The following PLEKHG5 variants were observed in gnomAD, a reference collection of about 807,000 sequenced individuals.
PLEKHG5 encodes pleckstrin homology and RhoGEF domain containing G5, also known as pleckstrin homology domain-containing family G member 5.
PLEKHG5 carries 52 observed loss-of-function variants against 103.8 expected under a neutral mutation model. The ratio of observed to expected loss-of-function variants is 0.50; its 90% confidence interval spans 0.40 to 0.63. The LOEUF is 0.63. Ranked by LOEUF, PLEKHG5 falls within the 30% of genes least tolerant of loss-of-function variation. The pLI, the probability that PLEKHG5 is intolerant of heterozygous loss-of-function variation, is 0.00. For missense variants in PLEKHG5, 1,205 were observed against 1,347.6 expected, an observed-to-expected ratio of 0.89 and a Z score of 1.66; for synonymous variants, 592 against 575.5, an observed-to-expected ratio of 1.03 and a Z score of -0.41.
At chr1:6,484,892 G>A (rs768233005) in intron 1 of PLEKHG5, among the ~76,000 whole-genome samples, 2 of 152,222 alleles carry the variant, frequency 1.3e-5, no homozygotes, top group Non-Finnish European at 2.9e-5. Flanking sequence ...ACACGCATGT[G>A]AGGATGGGGA....
intron 1 of PLEKHG5, among the ~76,000 whole-genome samples, chr1:6,516,917 CA>C (rs1638641236): frequency 7.1e-6 from 1 of 140,600 alleles, no homozygotes; most frequent in South Asian, 2.2e-4. Context: ...CACACACACA[CA>C]CACACACATG....
Position 6,477,655 on chromosome 1 carries a change from A to T in PLEKHG5, c.-84T>A. 1 of 1,602,592 alleles carries T rather than the reference A, an allele frequency of 6.2e-7. No homozygotes were observed. The highest frequency in any genetic ancestry group is 8.5e-7 in the Non-Finnish European group (1 of 1,179,840). ...AGCTGCTGGCAGTCGGCGTGGTGACATACCTGGGGTGGGGACAGAAGCCTT... is the reference window on the plus strand; with the variant it reads ...AGCTGCTGGCAGTCGGCGTGGTGACTTACCTGGGGTGGGGACAGAAGCCTT... On this transcript the variant is annotated 5_prime_UTR_variant, in exon 2 of 21. It removes an upstream start codon present in the reference 5' UTR. Coordinates refer to ENST00000377728, the MANE Select transcript of PLEKHG5 (RefSeq NM_020631.6).
intron 1 of PLEKHG5, among the ~76,000 whole-genome samples, chr1:6,482,270 T>C (rs1002966): frequency 0.16 from 23,629 of 152,064 alleles, 3,115 homozygotes; most frequent in African/African-American, 0.35. Flanking sequence ...CTGGTCACAT[T>C]CGCAAGGACA....
intron 1 of PLEKHG5, among the ~76,000 whole-genome samples, chr1:6,513,774 T>C (rs1407201203): frequency 1.3e-5 from 2 of 152,246 alleles, no homozygotes; most frequent in Non-Finnish European, 2.9e-5. Context: ...AAACTGTCAC[T>C]ACTGTCACTG....
At chr1:6,488,921 A>G (rs1286846596) in intron 1 of PLEKHG5, among the ~76,000 whole-genome samples, 5 of 152,020 alleles carry the variant, frequency 3.3e-5, no homozygotes, top group Non-Finnish European at 4.4e-5. Context: ...CTCCCTCAGT[A>G]TCACCTCCCC....
At position 6,475,025 on chromosome 1, in the gene PLEKHG5, CCT is replaced by C; in HGVS notation, c.302+20_302+21del. The C allele has an allele frequency of 6.9e-7, 1 of 1,446,156 alleles. No homozygotes were observed. Among genetic ancestry groups the C allele is most frequent in the Non-Finnish European group, 9.7e-7 (1 of 1,026,680 alleles). 89.6% of individuals were successfully genotyped at this position (1,446,156 alleles called of 1,614,324 possible). On this transcript the variant is annotated intron_variant, in intron 5 of 20. Transcript: ENST00000377728. ...CCCCTACTCCCAGTCCCACTTCCACCCTGAGCCCCATCAAGCCCTACCCCAGT... is the reference window on the plus strand; with the variant it reads ...CCCCTACTCCCAGTCCCACTTCCACCGAGCCCCATCAAGCCCTACCCCAGT...
At chr1:6,469,512 C>A (rs767142431) in intron 17 of PLEKHG5, 32 bp downstream of exon 17, 15 of 1,613,794 alleles carry the variant, frequency 9.3e-6, no homozygotes, top group African/African-American at 1.3e-5. Context: ...ATCACAGCCC[C>A]TGACCAGGAA....
At position 6,475,961 on chromosome 1, in the gene PLEKHG5, T is replaced by C; in HGVS notation, c.119A>G (p.Glu40Gly). The change falls in exon 3 of 21, where the codon GAG (glutamate) becomes GGG (glycine). Residue 40 changes from glutamate to glycine, a missense_variant. By Grantham distance (98) the Glu-to-Gly change is moderately conservative. Coordinates refer to ENST00000377728, the MANE Select transcript of PLEKHG5 (RefSeq NM_020631.6). The part of the protein sequence containing the change: ...RTSPAVDLEE[E>G]EEESSVDGKG... ...GCCATCCACAGAGCTCTCCTCCTCC[T>C]CCTCCTCCAAGTCCACTGCGGGGCT... 6.2e-7 allele frequency: 1 copy of C among 1,613,970 alleles called. No individual in the cohort carries two copies. The highest frequency in any genetic ancestry group is 8.5e-7 in the Non-Finnish European group (1 of 1,180,000).
intron 1 of PLEKHG5, chr1:6,485,332 C>G: frequency 7.0e-7 from 1 of 1,427,122 alleles, no homozygotes; most frequent in South Asian, 1.4e-5. Flanking sequence ...ACCTGGCTAT[C>G]ACCGTCGCGG....
chr1:6,502,133 G>A (rs1293033220), intron 1 of PLEKHG5, among the ~76,000 whole-genome samples: 1 of 152,270 alleles, frequency 6.6e-6, no homozygotes, highest in Non-Finnish European at 1.5e-5. Flanking sequence ...CCTGGGGAAG[G>A]GCAAGATTTG....
In PLEKHG5 at chr1:6,469,064, C is replaced by T. The variant is rs145073653; in HGVS notation, c.2227G>A (p.Gly743Ser). The T allele has an allele frequency of 3.2e-5, 51 of 1,613,660 alleles. 1 individual carries two copies. In the Middle Eastern group the frequency reaches 4.9e-4, roughly 16 times the overall value. The part of the protein sequence containing the change: ...SSPTIMRKSS[G>S]SPDSQHCASD... ...TACCAGTGCTGAGAGTCGGGGCTGCCGCTGCTTTTCCGCATGATGGTAGGG... is the reference window on the plus strand; with the variant it reads ...TACCAGTGCTGAGAGTCGGGGCTGCTGCTGCTTTTCCGCATGATGGTAGGG... The change falls in exon 19 of 21, where the codon GGC becomes AGC. Residue 743 changes from glycine (G) to serine (S), a missense_variant. Physicochemically the swap from Gly to Ser is moderately conservative, Grantham distance 56 (BLOSUM62 0). Coordinates refer to ENST00000377728, the MANE Select transcript of PLEKHG5 (RefSeq NM_020631.6).
rs1644530655 is a variant in PLEKHG5, at chr1:6,470,408, A to G, written c.1681-53T>C. On this transcript the variant is annotated intron_variant, in intron 15 of 20. Coordinates refer to ENST00000377728, the MANE Select transcript of PLEKHG5 (RefSeq NM_020631.6). ...GAGGCCAGAGACTGACTCCCATCTC[A>G]GCTAGGCATCCTCAGTGAGATGCCC... 2.2e-5 allele frequency: 36 copies of G among 1,612,992 alleles called. No homozygotes were observed. In the South Asian group the frequency reaches 3.7e-4, roughly 17 times the overall value.
intron 1 of PLEKHG5, among the ~76,000 whole-genome samples, chr1:6,511,236 C>A (rs534795709): frequency 1.7e-4 from 26 of 152,306 alleles, no homozygotes; most frequent in African/African-American, 5.8e-4. Flanking sequence ...GAGCTTCAAC[C>A]AGGCCTCAGC....
intron 7 of PLEKHG5, 151 bp downstream of exon 7, chr1:6,473,862 C>A: frequency 2.5e-6 from 2 of 789,970 alleles, no homozygotes; most frequent in Non-Finnish European, 4.0e-6. Context: ...GGGTCCCCTA[C>A]TCTCCCAGCC....
At chr1:6,518,228 G>A (rs1022023936) in intron 1 of PLEKHG5, among the ~76,000 whole-genome samples, 6 of 150,960 alleles carry the variant, frequency 4.0e-5, no homozygotes, top group Admixed American at 1.3e-4. Context: ...CACTGCGCCC[G>A]GCCGTGTCAT....
At chr1:6,514,151 T>C (rs1306693340) in intron 1 of PLEKHG5, among the ~76,000 whole-genome samples, 2 of 152,088 alleles carry the variant, frequency 1.3e-5, no homozygotes, top group African/African-American at 4.8e-5. Flanking sequence ...GCTGAGACCT[T>C]GTCTCTACAA....
chr1:6,478,803 C>T (rs997886742), intron 1 of PLEKHG5, among the ~76,000 whole-genome samples: 6 of 151,960 alleles, frequency 3.9e-5, no homozygotes, highest in Admixed American at 2.0e-4. Flanking sequence ...TCCACCACGC[C>T]CGACTAATTT....
chr1:6,497,434 G>A, upstream of PLEKHG5: 2 of 819,064 alleles, frequency 2.4e-6, no homozygotes, highest in South Asian at 1.1e-4. This position sits in a 1 kb window ranked among gnomAD's most constrained non-coding sequence, Gnocchi z 6.1. Context: ...CGGGAGGCGG[G>A]CGGGGCAGGT....
chr1:6,504,171 G>T (rs1043876128), intron 1 of PLEKHG5, among the ~76,000 whole-genome samples: 15 of 152,158 alleles, frequency 9.9e-5, no homozygotes, highest in Admixed American at 9.8e-4. Context: ...AAGCTGCCGG[G>T]TGAAGAAATA....
Sources: allele counts gnomAD v4.1 joint callset (sites outside exome capture counted in the v4.1 genomes callset), GRCh38; gene constraint gnomAD v4.1.1; non-coding constraint Gnocchi (gnomAD v3.1); transcripts MANE v1.5; gene names NCBI Gene and HGNC (gene_info 2026-07-23, HGNC 2026-07-21).